CYP46A1: variants seen among roughly 807,000 people sequenced by gnomAD.
CYP46A1 encodes the protein cholesterol 24-hydroxylase.
In CYP46A1, 20 loss-of-function variants were observed where a neutral mutation model predicts 63.3. The ratio of observed to expected loss-of-function variants is 0.32; its 90% confidence interval spans 0.22 to 0.46. The LOEUF (loss-of-function observed/expected upper bound fraction) is 0.46. Ranked by LOEUF, CYP46A1 falls within the 20% of genes least tolerant of loss-of-function variation. CYP46A1 has a pLI of 1.00. For missense variants in CYP46A1, 445 were observed against 670.8 expected (o/e 0.66, Z 3.72); for synonymous variants, 268 against 273.6 (o/e 0.98, Z 0.20).
intron 3 of CYP46A1, among the ~76,000 whole-genome samples, chr14:99,692,648 G>C (rs1326518686): frequency 1.3e-5 from 2 of 152,116 alleles, no homozygotes; most frequent in Non-Finnish European, 2.9e-5. Context: ...TGGCCAACAT[G>C]GTGAAACCCT....
At chr14:99,701,328 T>C (rs2140120800) in intron 5 of CYP46A1, among the ~76,000 whole-genome samples, 1 of 152,340 alleles carries the variant, frequency 6.6e-6, no homozygotes, top group South Asian at 2.1e-4. Context: ...CTTCCAGTCC[T>C]GCAAGCTCCA....
At chr14:99,699,278 AT>A (rs2056610767) in intron 3 of CYP46A1, among the ~76,000 whole-genome samples, 187 bp from the exon 4 acceptor site, 1 of 151,962 alleles carries the variant, frequency 6.6e-6, no homozygotes, top group Non-Finnish European at 1.5e-5. Context: ...TCTGTGCTGC[AT>A]TTTCCCCATC....
At chr14:99,723,596 A>G (rs1269935324) in intron 12 of CYP46A1, among the ~76,000 whole-genome samples, 1 of 152,166 alleles carries the variant, frequency 6.6e-6, no homozygotes, top group Admixed American at 6.5e-5. Context: ...GGCGTGAGCC[A>G]GCGCGCCCAG....
At chr14:99,684,812 C>A in intron 1 of CYP46A1, 1 of 544,758 alleles carries the variant, frequency 1.8e-6, no homozygotes, top group Non-Finnish European at 3.5e-6. Context: ...ATCGTTCAGA[C>A]GAGGAGACTG....
chr14:99,707,717 A>G (rs776875152), intron 7 of CYP46A1, 39 bp downstream of exon 7: 143 of 1,567,266 alleles, frequency 9.1e-5, no homozygotes, highest in Non-Finnish European at 1.2e-4. Flanking sequence ...CAGCCACCAG[A>G]GCTGTTGTCT....
intron 7 of CYP46A1, chr14:99,710,590 T>C (rs976346306): frequency 2.6e-5 from 4 of 152,146 alleles, no homozygotes; most frequent in Non-Finnish European, 5.9e-5. Context: ...AAGGTCATTA[T>C]ATAATGATAA....
At chr14:99,699,288 TC>T (rs1245115885) in intron 3 of CYP46A1, among the ~76,000 whole-genome samples, 177 bp from the exon 4 acceptor site, 1 of 151,986 alleles carries the variant, frequency 6.6e-6, no homozygotes, top group Non-Finnish European at 1.5e-5. Context: ...ATTTTCCCCA[TC>T]CCCACACAGC....
In CYP46A1 at chr14:99,699,452, T is replaced by C. The variant is rs1366423389; in HGVS notation, c.283-14T>C. Reference sequence around the variant, plus strand: ...GGGTGCATGAGCCTATGTTGGTTTTTTGGGGATATTTAGAAGTTCCTGATG... The same window carrying C: ...GGGTGCATGAGCCTATGTTGGTTTTCTGGGGATATTTAGAAGTTCCTGATG... On this transcript the variant is annotated splice_polypyrimidine_tract_variant and intron_variant, in intron 3 of 14. Coordinates refer to ENST00000261835, the MANE Select transcript of CYP46A1 (RefSeq NM_006668.2). 2 of 1,613,748 alleles carry C rather than the reference T, an allele frequency of 1.2e-6. No individual in the cohort carries two copies. Among genetic ancestry groups the C allele is most frequent in the African/African-American group, 2.7e-5 (2 of 74,894 alleles).
At chr14:99,698,810 T>C (rs1487619810) in intron 3 of CYP46A1, among the ~76,000 whole-genome samples, 5 of 152,226 alleles carry the variant, frequency 3.3e-5, no homozygotes, top group African/African-American at 1.2e-4. Flanking sequence ...TCAAGAGCTG[T>C]TGGCTGATGT....
chr14:99,704,891 G>T (rs936353340), intron 5 of CYP46A1, among the ~76,000 whole-genome samples: 5 of 152,276 alleles, frequency 3.3e-5, no homozygotes, highest in Admixed American at 3.3e-4. Context: ...GGGGATAGAG[G>T]GTGAGTGCTC....
intron 5 of CYP46A1, 122 bp from the exon 6 acceptor site, chr14:99,706,525 A>G: frequency 7.5e-7 from 1 of 1,336,590 alleles, no homozygotes; most frequent in Non-Finnish European, 1.0e-6. Context: ...GAGGCCAGAA[A>G]GACTGGGAGG....
chr14:99,700,372 C>T (rs986154611), intron 5 of CYP46A1, among the ~76,000 whole-genome samples: 6 of 152,212 alleles, frequency 3.9e-5, no homozygotes, highest in African/African-American at 1.4e-4. Context: ...ATGGGGGTTC[C>T]TGTCCTCCAA....
chr14:99,717,519 C>A (rs1463488643), intron 9 of CYP46A1, among the ~76,000 whole-genome samples: 1 of 152,094 alleles, frequency 6.6e-6, no homozygotes, highest in Non-Finnish European at 1.5e-5. Context: ...GCCCTGCTTC[C>A]CAGCTCTGAC....
chr14:99,718,391 C>T (rs1395184828), intron 10 of CYP46A1, among the ~76,000 whole-genome samples: 3 of 152,214 alleles, frequency 2.0e-5, no homozygotes, highest in Admixed American at 1.3e-4. Context: ...CTGCTCCCGA[C>T]TCATGAGTGT....
At chr14:99,704,179 A>G (rs142817511) in intron 5 of CYP46A1, among the ~76,000 whole-genome samples, 35 of 152,348 alleles carry the variant, frequency 2.3e-4, no homozygotes, top group African/African-American at 7.9e-4. Flanking sequence ...AAAGTTTGCC[A>G]TCTTAACCAT....
intron 1 of CYP46A1, among the ~76,000 whole-genome samples, chr14:99,685,788 C>T (rs1450517579): frequency 6.6e-6 from 1 of 151,860 alleles, no homozygotes; most frequent in Non-Finnish European, 1.5e-5. Flanking sequence ...GGCACCTGTT[C>T]TCCCTGCTGG....
rs1373295196 is a variant in CYP46A1 at position 99,725,917 on chromosome 14, C to G, written c.1266-273C>G. On this transcript the variant is annotated intron_variant, in intron 13 of 14. Transcript: ENST00000261835. The surrounding 1 kb of genome is among the most constrained non-coding windows in gnomAD (Gnocchi z 4.2). Reference sequence around the variant, plus strand: ...CCAGAGCTGGATGTAAATTTATGACCTGGAGTGAGTTGTTTTGCCCCTCTG... The same window carrying G: ...CCAGAGCTGGATGTAAATTTATGACGTGGAGTGAGTTGTTTTGCCCCTCTG... Among the ~76,000 whole-genome samples, 1 of 152,150 alleles carries G rather than the reference C, an allele frequency of 6.6e-6. No individual in the cohort carries two copies. The highest frequency in any genetic ancestry group is 1.9e-4 in the East Asian group (1 of 5,186).
chr14:99,686,757 C>T (rs145579607), intron 1 of CYP46A1, among the ~76,000 whole-genome samples: 45 of 152,116 alleles, frequency 3.0e-4, no homozygotes, highest in African/African-American at 1.1e-3. Flanking sequence ...GTGTGGGGTG[C>T]GGAGGGAGCA....
chr14:99,693,610 A>C (rs1235243317), intron 3 of CYP46A1: 1 of 152,206 alleles, frequency 6.6e-6, no homozygotes, highest in Non-Finnish European at 1.5e-5. Flanking sequence ...ACATCAGGTT[A>C]ATACTGACCT....
Sources: gnomAD v4.1 joint callset for allele counts (sites outside exome capture counted in the v4.1 genomes callset) on GRCh38, gnomAD v4.1.1 for gene constraint, Gnocchi (gnomAD v3.1) non-coding constraint, MANE v1.5 for transcripts, NCBI Gene and HGNC (gene_info 2026-07-23, HGNC 2026-07-21) for gene names.